The following LAMA2 variants were observed in gnomAD, a reference collection of about 807,000 sequenced individuals.
The protein encoded by LAMA2 is laminin subunit alpha-2.
Under a neutral mutation model 364.8 loss-of-function variants are expected in LAMA2, and 269 were observed. That is an observed-to-expected ratio of 0.74 (90% CI 0.67 to 0.82). The LOEUF is 0.82. Among genes scored for constraint, LAMA2 ranks in the 40% least tolerant of loss-of-function variants. LAMA2 has a pLI of 0.00. For synonymous variants in LAMA2, 1,379 were observed against 1,370.6 expected, an observed-to-expected ratio of 1.01 and a Z score of -0.14; for missense variants, 3,807 against 3,873.2, an observed-to-expected ratio of 0.98 and a Z score of 0.45.
At chr6:129,119,839 C>T (rs1483909710) in intron 4 of LAMA2, among the ~76,000 whole-genome samples, 2 of 152,206 alleles carry the variant, frequency 1.3e-5, no homozygotes, top group Admixed American at 6.5e-5. Flanking sequence ...TGAGCCACTG[C>T]TCCCGGCCCA....
At chr6:129,240,446 TG>T (rs1364942597) in intron 12 of LAMA2, among the ~76,000 whole-genome samples, 1 of 152,220 alleles carries the variant, frequency 6.6e-6, no homozygotes, top group Non-Finnish European at 1.5e-5. Context: ...CTGGTATACT[TG>T]ATAGGCCTTC....
At chr6:129,399,673 G>A (rs1779855177) in intron 37 of LAMA2, among the ~76,000 whole-genome samples, 1 of 152,116 alleles carries the variant, frequency 6.6e-6, no homozygotes, top group Admixed American at 6.5e-5. Context: ...TACCAGAATG[G>A]AGGGAGGACA....
chr6:129,433,968 A>T (rs1386937798), intron 41 of LAMA2, among the ~76,000 whole-genome samples: 1 of 152,168 alleles, frequency 6.6e-6, no homozygotes, highest in African/African-American at 2.4e-5. Context: ...GCCATATGTA[A>T]AAAGGGACAG....
In LAMA2 at chr6:129,513,630, T is replaced by C. The variant is rs9483041; in HGVS notation, c.8989-743T>C. 5.1e-3 allele frequency among the ~76,000 whole-genome samples: 771 copies of C among 152,332 alleles called. 9 individuals are homozygous for C. Among genetic ancestry groups the C allele is most frequent in the African/African-American group, 0.018 (735 of 41,566 alleles). ...TACCTTGTCGAATGTCTTGCCAAAC[T>C]GACTAATGTTTTTAGTGTTTCAATA... On this transcript the variant is annotated intron_variant, in intron 63 of 64. Coordinates refer to ENST00000421865, the MANE Select transcript of LAMA2 (RefSeq NM_000426.4).
At chr6:129,434,914 A>T (rs1781763352) in intron 41 of LAMA2, among the ~76,000 whole-genome samples, 3 of 152,288 alleles carry the variant, frequency 2.0e-5, no homozygotes. Context: ...AAGAAAGGGC[A>T]AATTAATAAG....
chr6:129,497,375 C>G (rs1041426690), intron 58 of LAMA2, among the ~76,000 whole-genome samples: 2 of 152,014 alleles, frequency 1.3e-5, no homozygotes, highest in African/African-American at 4.8e-5. Context: ...GTAGCTGGGA[C>G]TGCAGGTGCA....
chr6:129,351,669 G>A (rs1211432851), intron 31 of LAMA2, among the ~76,000 whole-genome samples: 1 of 152,046 alleles, frequency 6.6e-6, no homozygotes, highest in African/African-American at 2.4e-5. Context: ...TAAATTTCTT[G>A]AGTATCCCTG....
At chr6:129,014,477 A>C (rs1784958577) in intron 1 of LAMA2, among the ~76,000 whole-genome samples, 1 of 152,088 alleles carries the variant, frequency 6.6e-6, no homozygotes, top group Non-Finnish European at 1.5e-5. Flanking sequence ...GTTTTTCATC[A>C]TCCTATTCTC....
At chr6:129,291,425 C>T (rs1203352685) in intron 19 of LAMA2, among the ~76,000 whole-genome samples, 189 bp from the exon 20 acceptor site, 2 of 152,160 alleles carry the variant, frequency 1.3e-5, no homozygotes, top group Non-Finnish European at 2.9e-5. Flanking sequence ...TGTGAATTAT[C>T]CCTACAGCTT....
chr6:129,336,946 A>G (rs1314549362), intron 29 of LAMA2, among the ~76,000 whole-genome samples: 3 of 152,238 alleles, frequency 2.0e-5, no homozygotes, highest in Non-Finnish European at 4.4e-5. Context: ...GTGGGAAAAT[A>G]TCCTGACAGA....
In LAMA2 at chr6:129,315,600, A is replaced by T; in HGVS notation, c.3680A>T (p.Asp1227Val). 6.2e-7 allele frequency: 1 copy of T among 1,614,190 alleles called. No individual in the cohort carries two copies. The highest frequency in any genetic ancestry group is 8.5e-7 in the Non-Finnish European group (1 of 1,180,008). ...IVAHMDLMRE[D>V]LHLEPFYWKL... is the part of the protein sequence containing the mutation. ...GCCCACATGGACCTGATGAGAGAAG[A>T]TCTCCATTTGGAACCTTTTTATTGG... The change falls in exon 25 of 65, where the codon GAT (aspartate) becomes GTT (valine). Residue 1227 changes from aspartate to valine, a missense_variant. Asp to Val is a radical substitution (Grantham distance 152). Transcript: ENST00000421865.
At chr6:129,213,508 T>C (rs1783232337) in intron 12 of LAMA2, among the ~76,000 whole-genome samples, 1 of 152,090 alleles carries the variant, frequency 6.6e-6, no homozygotes, top group African/African-American at 2.4e-5. Context: ...TGAACAAGAG[T>C]TCCTGTTTCT....
At position 129,063,132 on chromosome 6, in the gene LAMA2, A is replaced by G. The variant is rs146661632; in HGVS notation, c.396+3236A>G. On this transcript the variant is annotated intron_variant, in intron 3 of 64. Transcript: ENST00000421865. ...CAACTTCTAGATTAGCAGACTAAATATTACAATATCTTGGCAAGAAAATTA... is the reference window on the plus strand; with the variant it reads ...CAACTTCTAGATTAGCAGACTAAATGTTACAATATCTTGGCAAGAAAATTA... 2.6e-5 allele frequency among the ~76,000 whole-genome samples: 4 copies of G among 152,262 alleles called. No individual in the cohort carries two copies. In the East Asian group the frequency reaches 7.7e-4, roughly 29 times the overall value.
At chr6:129,123,847 C>T (rs189971366) in intron 4 of LAMA2, among the ~76,000 whole-genome samples, 10 of 152,252 alleles carry the variant, frequency 6.6e-5, no homozygotes, top group Admixed American at 3.9e-4. Flanking sequence ...ATTACTGTAT[C>T]GTATGCTTGA....
chr6:129,208,121 G>T (rs938220875), intron 12 of LAMA2, among the ~76,000 whole-genome samples: 3 of 152,170 alleles, frequency 2.0e-5, no homozygotes, highest in Admixed American at 2.0e-4. Context: ...CTTAAAATAG[G>T]GGGTGGACAT....
chr6:129,303,972 T>C (rs1021143381), intron 22 of LAMA2, among the ~76,000 whole-genome samples: 2 of 152,036 alleles, frequency 1.3e-5, no homozygotes, highest in Admixed American at 6.5e-5. Context: ...TCACAATCAA[T>C]GAGGTAGAAA....
chr6:129,214,512 T>C (rs958859852), intron 12 of LAMA2, among the ~76,000 whole-genome samples: 1 of 152,216 alleles, frequency 6.6e-6, no homozygotes, highest in Non-Finnish European at 1.5e-5. Context: ...GTCCAGTTTT[T>C]CTAGTGCCAT....
Position 129,297,846 on chromosome 6 carries a change from C to A in LAMA2, c.3018C>A (p.Phe1006Leu). 1 of 1,613,758 alleles carries A rather than the reference C, an allele frequency of 6.2e-7. No homozygotes were observed. Among genetic ancestry groups the A allele is most frequent in the Non-Finnish European group, 8.5e-7 (1 of 1,179,848 alleles). Residue 1006 changes from phenylalanine (F) to leucine (L), a missense_variant, in exon 21 of 65, where the codon TTC (phenylalanine) becomes TTA (leucine). Phe to Leu is a conservative substitution (Grantham distance 22). Around this residue, in one of 3 missense-constraint regions of LAMA2, gnomAD observed 3,333 missense variants for 3,345.7 expected, o/e 1.00. Transcript: ENST00000421865. Reference sequence around the variant, plus strand: ...GCTGTGCCCACGGCTATTTCAACTTCCAAGAAGGAGGCTGCACAGGTCTGT... The same window carrying A: ...GCTGTGCCCACGGCTATTTCAACTTACAAGAAGGAGGCTGCACAGGTCTGT... ...CDRCAHGYFN[F>L]QEGGCTACEC...
intron 4 of LAMA2, among the ~76,000 whole-genome samples, chr6:129,117,466 C>T (rs1776543392): frequency 6.6e-6 from 1 of 152,158 alleles, no homozygotes; most frequent in Non-Finnish European, 1.5e-5. Context: ...TTGTTTGTCA[C>T]TCTCAAATGT....
Sources: gnomAD v4.1 joint callset for allele counts (sites outside exome capture counted in the v4.1 genomes callset) on GRCh38, gnomAD v4.1.1 for gene constraint, gnomAD v4.1.1 regional missense constraint, MANE v1.5 for transcripts, NCBI Gene and HGNC (gene_info 2026-07-23, HGNC 2026-07-21) for gene names.